CDKL4: variants seen among roughly 807,000 people sequenced by gnomAD.
The protein encoded by CDKL4 is cyclin dependent kinase like 4.
CDKL4 carries 44 observed loss-of-function variants against 42.0 expected under a neutral mutation model. That is an observed-to-expected ratio of 1.05 (90% CI 0.82 to 1.35). The LOEUF (loss-of-function observed/expected upper bound fraction) is 1.35. CDKL4 is among the 40% of genes most tolerant of loss of function. The probability of loss-of-function intolerance (pLI) is 0.00; values close to 1 mark genes in which losing one functional copy is unlikely to be tolerated. For synonymous variants in CDKL4, 120 were observed against 121.6 expected, an observed-to-expected ratio of 0.99 and a Z score of 0.09; for missense variants, 393 against 369.9, an observed-to-expected ratio of 1.06 and a Z score of -0.51.
At chr2:39,192,786 C>T (rs1676266766) in intron 5 of CDKL4, among the ~76,000 whole-genome samples, 1 of 151,968 alleles carries the variant, frequency 6.6e-6, no homozygotes, top group Non-Finnish European at 1.5e-5. Context: ...TAAATAACAC[C>T]ACATTATTTT....
intron 1 of CDKL4, among the ~76,000 whole-genome samples, chr2:39,236,124 A>T (rs76627331): frequency 0.032 from 4,777 of 150,994 alleles, 268 homozygotes; most frequent in African/African-American, 0.11. Context: ...AAATGAAAAT[A>T]AAAAAAAGAA....
At chr2:39,229,567 G>A (rs943056571) in exon 2 of CDKL4, 10 of 1,534,904 alleles carry the variant, frequency 6.5e-6, no homozygotes, top group African/African-American at 1.4e-5. Flanking sequence ...TGTATCGATT[G>A]ACTTGCAGTA....
intron 4 of CDKL4, among the ~76,000 whole-genome samples, chr2:39,209,421 T>C (rs745607435): frequency 2.0e-5 from 3 of 152,130 alleles, no homozygotes; most frequent in Non-Finnish European, 4.4e-5. Context: ...TGGCGTTAAA[T>C]GGACCACTTT....
chr2:39,234,733 G>A (rs1034270775), intron 1 of CDKL4, among the ~76,000 whole-genome samples: 2 of 152,118 alleles, frequency 1.3e-5, no homozygotes, highest in African/African-American at 4.8e-5. Context: ...ATAAGTGTGA[G>A]AGGATTAGAG....
chr2:39,209,682 C>T (rs554613270), intron 4 of CDKL4, among the ~76,000 whole-genome samples: 1 of 152,226 alleles, frequency 6.6e-6, no homozygotes, highest in Non-Finnish European at 1.5e-5. Context: ...CTGCAGTGTC[C>T]TGTTTAGGAT....
rs1184427873 is a variant in CDKL4 at position 39,185,353 on chromosome 2, TATATATAC to T, written c.736-714_736-707del. Among the ~76,000 whole-genome samples the T allele has an allele frequency of 7.3e-4, 74 of 101,372 alleles. 10 individuals are homozygous for T. Among genetic ancestry groups the T allele is most frequent in the Admixed American group, 2.6e-3 (23 of 8,840 alleles). 66.5% of individuals were successfully genotyped at this position (101,372 alleles called of 152,430 possible). ...ACATATGTATATATATACACATATG[TATATATAC>T]ATATATATATACATATGTATATATA... On this transcript the variant is annotated intron_variant, in intron 7 of 9. Coordinates refer to ENST00000451199, the Ensembl canonical transcript of CDKL4.
At chr2:39,223,355 T>C (rs1678491384) in intron 3 of CDKL4, among the ~76,000 whole-genome samples, 1 of 152,130 alleles carries the variant, frequency 6.6e-6, no homozygotes, top group Non-Finnish European at 1.5e-5. Flanking sequence ...ACAGTTAAAA[T>C]TTTTTCATAC....
chr2:39,230,984 T>C (rs1049078246), intron 1 of CDKL4, among the ~76,000 whole-genome samples: 3 of 152,108 alleles, frequency 2.0e-5, no homozygotes, highest in Non-Finnish European at 2.9e-5. Context: ...TCGAGGCAGG[T>C]GGATCACCTG....
chr2:39,196,526 T>G (rs1676524625), intron 5 of CDKL4, among the ~76,000 whole-genome samples: 1 of 152,094 alleles, frequency 6.6e-6, no homozygotes, highest in Admixed American at 6.6e-5. Context: ...ACAGCAGCCC[T>G]CAAGTCCCAG....
intron 3 of CDKL4, among the ~76,000 whole-genome samples, chr2:39,217,070 G>A (rs1339248760): frequency 6.6e-6 from 1 of 152,140 alleles, no homozygotes; most frequent in Admixed American, 6.5e-5. Context: ...ATCAAAGAGA[G>A]TACACATCGA....
At chr2:39,234,190 G>T (rs1679238966) in intron 1 of CDKL4, among the ~76,000 whole-genome samples, 3 of 152,134 alleles carry the variant, frequency 2.0e-5, no homozygotes, top group Admixed American at 2.0e-4. Context: ...TAGGACTACA[G>T]GCGTGAGCCA....
chr2:39,215,083 T>C (rs957329829), intron 3 of CDKL4, among the ~76,000 whole-genome samples: 3 of 152,176 alleles, frequency 2.0e-5, no homozygotes, highest in African/African-American at 4.8e-5. Context: ...CTGAGGAAGG[T>C]TATACCCATT....
At chr2:39,171,144 C>T (rs1394799228), downstream of CDKL4, among the ~76,000 whole-genome samples, 1 of 151,164 alleles carries the variant, frequency 6.6e-6, no homozygotes, top group Non-Finnish European at 1.5e-5. Flanking sequence ...GAGGCTGAGG[C>T]AGGAGGATCG....
chr2:39,240,202 G>A (rs551287457), intron 1 of CDKL4, among the ~76,000 whole-genome samples: 4 of 152,120 alleles, frequency 2.6e-5, no homozygotes, highest in African/African-American at 9.6e-5. Context: ...CTGAGGTCAG[G>A]AGTTCGAGAC....
At chr2:39,176,078 T>C in exon 10 of CDKL4, 1 of 470,124 alleles carries the variant, frequency 2.1e-6, no homozygotes, top group South Asian at 1.6e-5. Context: ...CTTCCTGGTA[T>C]GAGAGGCAAC....
chr2:39,189,028 A>T (rs1381359770), intron 6 of CDKL4, among the ~76,000 whole-genome samples: 1 of 152,214 alleles, frequency 6.6e-6, no homozygotes, highest in Non-Finnish European at 1.5e-5. Context: ...TCAGGTATGT[A>T]ATGTAAATTT....
intron 5 of CDKL4, among the ~76,000 whole-genome samples, chr2:39,194,590 T>C (rs982109980): frequency 6.6e-6 from 1 of 152,236 alleles, no homozygotes; most frequent in Non-Finnish European, 1.5e-5. Flanking sequence ...TTCATGTTTT[T>C]AGCCTTTTCT....
chr2:39,170,050 G>C, the CDKL4 span, among the ~76,000 whole-genome samples: 8 of 152,036 alleles, frequency 5.3e-5, no homozygotes, highest in African/African-American at 1.9e-4. Context: ...TTGTGGTAGA[G>C]ACAGAGTTTT....
chr2:39,191,403 C>CA (rs1364898721), intron 5 of CDKL4, among the ~76,000 whole-genome samples: 1 of 151,926 alleles, frequency 6.6e-6, no homozygotes, highest in Non-Finnish European at 1.5e-5. Context: ...CACACATATA[C>CA]AAAAAAAGAA....
Sources: gnomAD v4.1 joint callset for allele counts (sites outside exome capture counted in the v4.1 genomes callset) on GRCh38, gnomAD v4.1.1 for gene constraint, MANE v1.5 for transcripts, NCBI Gene and HGNC (gene_info 2026-07-23, HGNC 2026-07-21) for gene names.